The following PBK variants were observed in gnomAD, a reference collection of about 807,000 sequenced individuals.
The protein encoded by PBK is lymphokine-activated killer T-cell-originated protein kinase.
PBK carries 22 observed loss-of-function variants against 33.5 expected under a neutral mutation model. The observed-to-expected ratio is 0.66, with a 90% CI of 0.47 to 0.94. The LOEUF is 0.94. Among genes scored for constraint, PBK ranks in the 40% least tolerant of loss-of-function variants. The pLI is 0.00. For synonymous variants in PBK, 129 were observed against 123.8 expected (o/e 1.04, Z -0.28); for missense variants, 376 against 383.4 (o/e 0.98, Z 0.16).
At chr8:27,829,503 ATATC>A (rs1291535661) in intron 2 of PBK, among the ~76,000 whole-genome samples, 18 of 152,336 alleles carry the variant, frequency 1.2e-4, no homozygotes, top group South Asian at 4.1e-4. Context: ...ACAATGCAAA[ATATC>A]TACTGCCCAA....
In PBK at chr8:27,823,318, GA is replaced by G. The variant is rs1805966795; in HGVS notation, c.153-114del. On this transcript the variant is annotated intron_variant, in intron 3 of 7. Transcript: ENST00000301905. The stretch of plus-strand genomic sequence containing the variant: ...TGAAAGAAATTTGCTTTTAAAAACA[GA>G]ATTTAAAATAGTTTGGACTATGAAC... 1.4e-5 allele frequency: 9 copies of G among 650,888 alleles called. No individual in the cohort carries two copies. In the Admixed American group the frequency reaches 1.9e-4, roughly 14 times the overall value. 40.3% of individuals were successfully genotyped at this position (650,888 alleles called of 1,614,324 possible).
chr8:27,837,075 AC>A (rs1403941203), intron 1 of PBK, among the ~76,000 whole-genome samples: 7 of 152,184 alleles, frequency 4.6e-5, no homozygotes, highest in African/African-American at 1.4e-4. Context: ...AGCAAAAAAA[AC>A]AGTGAATATT....
At chr8:27,810,846 G>T in intron 7 of PBK, 112 bp downstream of exon 7, 2 of 726,326 alleles carry the variant, frequency 2.8e-6, no homozygotes, top group Non-Finnish European at 4.5e-6. Context: ...ATTAAACCTT[G>T]GTGGTACCAA....
In PBK at chr8:27,811,076, C is replaced by T. The variant is rs751148854; in HGVS notation, c.654G>A (p.Val218=). The T allele has an allele frequency of 3.1e-6, 5 of 1,613,422 alleles. No homozygotes were observed. Among genetic ancestry groups the T allele is most frequent in the Non-Finnish European group, 4.2e-6 (5 of 1,179,368 alleles). ...TGTCAGTAATAACACCATTCTCCTC[C>T]ACAGCTTCTTTGGGTTTCCATGGCT... ...GTEPWKPKEA[V]EENGVITDKA... is the part of the protein sequence containing the mutation. Residue 218 remains valine, a synonymous_variant, in exon 7 of 8, where the codon GTG becomes GTA. Transcript: ENST00000301905.
intron 3 of PBK, among the ~76,000 whole-genome samples, chr8:27,826,265 G>A (rs1416338329): frequency 6.6e-6 from 1 of 152,124 alleles, no homozygotes; most frequent in Non-Finnish European, 1.5e-5. Flanking sequence ...GGCCATTCAA[G>A]TATGAGTAAA....
chr8:27,828,548 T>G (rs1012240131), intron 2 of PBK, among the ~76,000 whole-genome samples: 1 of 152,030 alleles, frequency 6.6e-6, no homozygotes, highest in African/African-American at 2.4e-5. Context: ...GAGGGTCACT[T>G]GAGCCCAGTA....
intron 6 of PBK, among the ~76,000 whole-genome samples, chr8:27,814,394 T>C (rs67998678): frequency 0.16 from 23,912 of 152,158 alleles, 2,380 homozygotes; most frequent in East Asian, 0.37. Flanking sequence ...CTCATTCCTG[T>C]TGTTGGTGAC....
intron 6 of PBK, among the ~76,000 whole-genome samples, chr8:27,813,985 G>A (rs1003739060): frequency 6.6e-6 from 1 of 152,066 alleles, no homozygotes; most frequent in Non-Finnish European, 1.5e-5. Flanking sequence ...TTTTGATGCA[G>A]GCATGCAGTG....
At chr8:27,831,504 T>C (rs1482003049) in intron 2 of PBK, among the ~76,000 whole-genome samples, 1 of 111,302 alleles carries the variant, frequency 9.0e-6, no homozygotes, top group Non-Finnish European at 1.8e-5. Context: ...TCTTCTCTCA[T>C]AATTAATATA....
chr8:27,810,606 C>G, intron 7 of PBK, 105 bp from the exon 8 acceptor site: 1 of 649,120 alleles, frequency 1.5e-6, no homozygotes, highest in Non-Finnish European at 2.7e-6. Context: ...GTCCAGTATG[C>G]TTTCCATTCT....
chr8:27,833,103 A>G lies in PBK; in HGVS notation c.11T>C (p.Ile4Thr), dbSNP rs1806160435. Residue 4 changes from isoleucine to threonine, a missense_variant, in exon 2 of 8, where the codon ATC becomes ACC. Ile to Thr is a moderately conservative substitution (Grantham distance 89, BLOSUM62 -1). Coordinates refer to ENST00000301905, the MANE Select transcript of PBK (RefSeq NM_018492.4). ...TTTGCTTGGTGTCTTGAAATTACTGATCCCTTCCATTGTGAAAGCCACTCT... is the reference window on the plus strand; with the variant it reads ...TTTGCTTGGTGTCTTGAAATTACTGGTCCCTTCCATTGTGAAAGCCACTCT... Reference protein sequence around the residue: MEGISNFKTPSKLS... With the variant: MEGTSNFKTPSKLS... 2.5e-6 allele frequency: 4 copies of G among 1,598,492 alleles called. No homozygotes were observed. The highest frequency in any genetic ancestry group is 3.4e-6 in the Non-Finnish European group (4 of 1,171,754).
rs953769821 is a variant in PBK at position 27,820,919 on chromosome 8, G to A, written c.466-225C>T. On this transcript the variant is annotated intron_variant, in intron 5 of 7. Transcript: ENST00000301905. ...GCTCACTGCAACCTCCGCCTCCTGG[G>A]TTCAAGTGATTTTCCTGCCTCAGCC... Among the ~76,000 whole-genome samples, 3 of 151,692 alleles carry A rather than the reference G, an allele frequency of 2.0e-5. No individual in the cohort carries two copies. In the East Asian group the frequency reaches 5.8e-4, roughly 29 times the overall value.
intron 2 of PBK, among the ~76,000 whole-genome samples, chr8:27,828,648 T>C (rs1269798336): frequency 4.7e-5 from 7 of 147,810 alleles, no homozygotes; most frequent in African/African-American, 1.8e-4. Context: ...ACACCTGTGG[T>C]CTCAGCTACT....
intron 6 of PBK, among the ~76,000 whole-genome samples, chr8:27,814,286 T>C (rs1805767620): frequency 1.3e-5 from 2 of 152,152 alleles, no homozygotes; most frequent in African/African-American, 4.8e-5. Context: ...TCAAAGAAAT[T>C]GTCCTTTTCA....
At chr8:27,817,648 T>A (rs1805844582) in intron 6 of PBK, among the ~76,000 whole-genome samples, 1 of 152,196 alleles carries the variant, frequency 6.6e-6, no homozygotes, top group Non-Finnish European at 1.5e-5. Context: ...AAAATGCCTG[T>A]ACTGCCTAAT....
At chr8:27,817,038 TAGAA>T (rs926007155) in intron 6 of PBK, among the ~76,000 whole-genome samples, 1 of 152,144 alleles carries the variant, frequency 6.6e-6, no homozygotes. Context: ...ATCTCACAAA[TAGAA>T]AGCCTTTGCC....
At chr8:27,816,189 A>G (rs17057925) in intron 6 of PBK, among the ~76,000 whole-genome samples, 23,616 of 151,432 alleles carry the variant, frequency 0.16, 2,351 homozygotes, top group East Asian at 0.37. Context: ...TAGTATTCAA[A>G]AGCTGCTTTC....
chr8:27,832,050 C>T (rs1806140729), intron 2 of PBK, among the ~76,000 whole-genome samples: 1 of 152,082 alleles, frequency 6.6e-6, no homozygotes, highest in South Asian at 2.1e-4. Context: ...AGACAGATAT[C>T]CCAAAAAGAC....
At position 27,837,027 on chromosome 8, in the gene PBK, A is replaced by G. The variant is rs75647690; in HGVS notation, c.-21+625T>C. Among the ~76,000 whole-genome samples, 1,444 of 152,324 alleles carry G rather than the reference A, an allele frequency of 9.5e-3. 26 individuals carry two copies. Among genetic ancestry groups the G allele is most frequent in the African/African-American group, 0.032 (1,348 of 41,552 alleles). ...TCTTAACATTAATTGTTAAATAACC[A>G]TACTAATTCTAAATCACAAGGTTCT... On this transcript the variant is annotated intron_variant, in intron 1 of 7. Transcript: ENST00000301905.
Sources: gnomAD v4.1 joint callset for allele counts (sites outside exome capture counted in the v4.1 genomes callset) on GRCh38, gnomAD v4.1.1 for gene constraint, MANE v1.5 for transcripts, NCBI Gene and HGNC (gene_info 2026-07-23, HGNC 2026-07-21) for gene names.